The following PARP6 variants were observed in gnomAD, a reference collection of about 807,000 sequenced individuals.
PARP6 encodes protein mono-ADP-ribosyltransferase PARP6.
In PARP6, 27 loss-of-function variants were observed where a neutral mutation model predicts 92.0. The ratio of observed to expected loss-of-function variants is 0.29; its 90% CI spans 0.22 to 0.40. The LOEUF is 0.40. Ranked by LOEUF, PARP6 falls within the 10% of genes least tolerant of loss-of-function variation. The pLI is 1.00. For missense variants in PARP6, 501 were observed against 784.5 expected, an observed-to-expected ratio of 0.64 and a Z score of 4.32; for synonymous variants, 272 against 281.2, an observed-to-expected ratio of 0.97 and a Z score of 0.33.
At chr15:72,267,439 A>C (rs1597159056) in intron 3 of PARP6, 36 bp downstream of exon 3, 1 of 1,611,376 alleles carries the variant, frequency 6.2e-7, no homozygotes, top group African/African-American at 1.3e-5. Context: ...CTACCCTTTG[A>C]ACAATCAGTT....
At chr15:72,268,534 A>C (rs533000061) in intron 2 of PARP6, among the ~76,000 whole-genome samples, 21 of 152,220 alleles carry the variant, frequency 1.4e-4, no homozygotes, top group Non-Finnish European at 2.5e-4. Context: ...CCCCGTCTCT[A>C]CCAAAAATAC....
intron 20 of PARP6, among the ~76,000 whole-genome samples, chr15:72,246,635 CAT>C (rs1444891095): frequency 2.6e-5 from 4 of 152,166 alleles, no homozygotes; most frequent in East Asian, 1.9e-4. Context: ...CACACACACA[CAT>C]AATACACATA....
intron 8 of PARP6, among the ~76,000 whole-genome samples, chr15:72,263,736 C>A (rs1278133980): frequency 6.6e-6 from 1 of 152,096 alleles, no homozygotes; most frequent in Non-Finnish European, 1.5e-5. Flanking sequence ...AATTACTAAT[C>A]ATTGGCTGGG....
intron 12 of PARP6, 65 bp from the exon 13 acceptor site, chr15:72,257,505 G>A: frequency 2.3e-6 from 3 of 1,313,894 alleles, no homozygotes; most frequent in Non-Finnish European, 3.3e-6. Flanking sequence ...GGCAGAGAGG[G>A]ACAGTCCTAA....
Position 72,242,152 on chromosome 15 carries a change from C to A in PARP6, c.1705+5G>T. ...AGAAAAACAGGACATGGGCAAGCTA[C>A]CTACCTTCACAAAGTGCTATACAGT... On this transcript the variant is annotated splice_donor_5th_base_variant and intron_variant, in intron 22 of 23. Transcript: ENST00000569795. The surrounding 1 kb of genome is among the most constrained non-coding windows in gnomAD (Gnocchi z 4.3). 6.2e-7 allele frequency: 1 copy of A among 1,612,966 alleles called. No homozygotes were observed. Among genetic ancestry groups the A allele is most frequent in the Non-Finnish European group, 8.5e-7 (1 of 1,178,902 alleles).
At chr15:72,269,591 AC>A (rs2087089359) in intron 2 of PARP6, among the ~76,000 whole-genome samples, 1 of 151,910 alleles carries the variant, frequency 6.6e-6, no homozygotes, top group South Asian at 2.1e-4. Flanking sequence ...TCCTCCTAAG[AC>A]CTACTGAATT....
intron 20 of PARP6, among the ~76,000 whole-genome samples, chr15:72,248,953 C>T (rs1365447319): frequency 1.3e-5 from 2 of 152,196 alleles, no homozygotes; most frequent in South Asian, 2.1e-4. Flanking sequence ...CAACACCAAA[C>T]GTGTTCTACA....
At chr15:72,256,653 G>T in intron 13 of PARP6, 63 bp from the exon 14 acceptor site, 2 of 1,318,486 alleles carry the variant, frequency 1.5e-6, no homozygotes, top group Non-Finnish European at 2.0e-6. Flanking sequence ...GGGAGTCAGA[G>T]TACCCAGTAT....
chr15:72,263,887 G>T (rs2086212323), intron 8 of PARP6, among the ~76,000 whole-genome samples: 1 of 151,986 alleles, frequency 6.6e-6, no homozygotes, highest in African/African-American at 2.4e-5. Context: ...GCCGGGCATG[G>T]TGGTGGGTGA....
chr15:72,265,371 G>C, intron 6 of PARP6, 42 bp downstream of exon 6: 4 of 1,543,558 alleles, frequency 2.6e-6, no homozygotes, highest in Middle Eastern at 1.7e-4. Context: ...AATTCCACAA[G>C]TCCAGCTAGA....
Position 72,259,648 on chromosome 15 carries a change from C to A in PARP6, c.770G>T (p.Cys257Phe). The A allele has an allele frequency of 6.2e-7, 1 of 1,614,046 alleles. No homozygotes were observed. The highest frequency in any genetic ancestry group is 8.5e-7 in the Non-Finnish European group (1 of 1,179,908). Residue 257 changes from cysteine (C) to phenylalanine (F), a missense_variant, in exon 11 of 24, where the codon TGC becomes TTC. Coordinates refer to ENST00000569795, the MANE Select transcript of PARP6 (RefSeq NM_001323532.2). ...ATACTCCAGAGTGGGAATGTTCTTG[C>A]AGTGACCACTGACCTGGTGAGAGTA... Reference protein sequence around the residue: ...ARTSPLVSGHCKNIPTLEYGF... With the variant: ...ARTSPLVSGHFKNIPTLEYGF...
intron 4 of PARP6, 34 bp downstream of exon 4, chr15:72,266,711 T>C: frequency 6.7e-7 from 1 of 1,489,152 alleles, no homozygotes; most frequent in Non-Finnish European, 9.4e-7. Flanking sequence ...ATCTAGACCA[T>C]CCAACACGGG....
rs2085741543 is a variant in PARP6, at chr15:72,260,611, A to T, written c.623T>A (p.Leu208His). 6.2e-7 allele frequency: 1 copy of T among 1,614,030 alleles called. No individual in the cohort carries two copies. The highest frequency in any genetic ancestry group is 8.5e-7 in the Non-Finnish European group (1 of 1,180,022). Residue 208 changes from leucine (L) to histidine (H), a missense_variant, in exon 10 of 24, where the codon CTC becomes CAC. Coordinates refer to ENST00000569795, the MANE Select transcript of PARP6 (RefSeq NM_001323532.2). ...LGVPELRVGR[L>H]MNRSISCTMK... ...GGTACAGGAGATGGAACGGTTCATGAGGCGCCCAACCCGAAGCTCTGGTAC... is the reference window on the plus strand; with the variant it reads ...GGTACAGGAGATGGAACGGTTCATGTGGCGCCCAACCCGAAGCTCTGGTAC...
At chr15:72,254,434 G>A in intron 15 of PARP6, 21 bp downstream of exon 15, 1 of 1,579,250 alleles carries the variant, frequency 6.3e-7, no homozygotes. Flanking sequence ...AAGGAGAGGG[G>A]ACAGAGAGAA....
rs371081816 is a variant in PARP6 at position 72,260,181 on chromosome 15, T to C, written c.756+297A>G. Among the ~76,000 whole-genome samples the C allele has an allele frequency of 8.5e-5, 13 of 152,236 alleles. No individual in the cohort carries two copies. In the South Asian group the frequency reaches 2.7e-3, roughly 32 times the overall value. ...TACAAAAATATGAAAAATTAGCCAG[T>C]CGTGGCATGTGCCTATAGTCCCAGC... is the stretch of plus-strand genomic sequence containing the variant. On this transcript the variant is annotated intron_variant, in intron 10 of 23. Transcript: ENST00000569795.
At chr15:72,272,006 T>C (rs1053939058) in intron 1 of PARP6, among the ~76,000 whole-genome samples, 5 of 152,180 alleles carry the variant, frequency 3.3e-5, no homozygotes, top group African/African-American at 9.6e-5. Flanking sequence ...CTCCCGGCTT[T>C]GTGGTCCTGG....
At chr15:72,249,881 T>C (rs1473853724) in intron 19 of PARP6, 139 bp downstream of exon 19, 3 of 636,618 alleles carry the variant, frequency 4.7e-6, no homozygotes, top group Non-Finnish European at 8.8e-6. Flanking sequence ...CAGTTCTAAC[T>C]TCCTCTCTAG....
chr15:72,248,037 C>T (rs913658597), intron 20 of PARP6, among the ~76,000 whole-genome samples: 4 of 151,976 alleles, frequency 2.6e-5, no homozygotes, highest in Non-Finnish European at 5.9e-5. Context: ...TCCCAAAGTA[C>T]TGGGATTACA....
chr15:72,247,093 A>G (rs1048320860), intron 20 of PARP6, among the ~76,000 whole-genome samples: 4 of 152,194 alleles, frequency 2.6e-5, no homozygotes, highest in East Asian at 1.9e-4. Context: ...TTTTGTGGTT[A>G]TATGTGCTGC....
Sources: allele counts gnomAD v4.1 joint callset (sites outside exome capture counted in the v4.1 genomes callset), GRCh38; gene constraint gnomAD v4.1.1; non-coding constraint Gnocchi (gnomAD v3.1); transcripts MANE v1.5; gene names NCBI Gene and HGNC (gene_info 2026-07-23, HGNC 2026-07-21).